Variants in NUCKS1 observed in about 807,000 individuals in gnomAD.
NUCKS1 encodes the protein nuclear casein kinase and cyclin dependent kinase substrate 1.
A neutral mutation model predicts 33.0 loss-of-function variants in NUCKS1; 2 were observed. The ratio of observed to expected loss-of-function variants is 0.06; its 90% CI spans 0.02 to 0.19. NUCKS1 has a LOEUF of 0.19. NUCKS1 is among the 10% of genes least tolerant of loss of function. The pLI, the probability that NUCKS1 is intolerant of heterozygous loss-of-function variation, is 1.00. For synonymous variants in NUCKS1, 106 were observed against 102.8 expected, an observed-to-expected ratio of 1.03 and a Z score of -0.19; for missense variants, 201 against 293.6, an observed-to-expected ratio of 0.68 and a Z score of 2.31.
At chr1:205,741,478 G>A (rs549711190) in intron 1 of NUCKS1, among the ~76,000 whole-genome samples, 1 of 152,156 alleles carries the variant, frequency 6.6e-6, no homozygotes, top group African/African-American at 2.4e-5. Context: ...GAGACTGAAG[G>A]GGTCTCAGAT....
At position 205,716,405 on chromosome 1, in the gene NUCKS1, G is replaced by C. The variant is rs957051817; in HGVS notation, c.*1875C>G. On this transcript the variant is annotated 3_prime_UTR_variant, in exon 7 of 7. Coordinates refer to ENST00000367142, the MANE Select transcript of NUCKS1 (RefSeq NM_022731.5). ...ACTTCTTTGTTAAAAATGGATACCT[G>C]AACAAACCCATTTAGGCAAATAGAT... 6.6e-6 allele frequency: 1 copy of C among 152,118 alleles called. No individual in the cohort carries two copies. Among genetic ancestry groups the C allele is most frequent in the African/African-American group, 2.4e-5 (1 of 41,420 alleles). The allele number at this position is 152,118 out of a possible 1,614,324, so 9.4% of individuals were successfully genotyped here. A position where few individuals can be genotyped will look rare whatever the true frequency, so the allele number is the denominator to read the frequency against.
intron 3 of NUCKS1, among the ~76,000 whole-genome samples, chr1:205,724,449 T>G (rs1381790956): frequency 6.6e-6 from 1 of 152,004 alleles, no homozygotes; most frequent in Non-Finnish European, 1.5e-5. Context: ...ATCTCAGCAG[T>G]TTGGGTGGCT....
Position 205,718,239 on chromosome 1 carries a change from T to C in NUCKS1, c.*41A>G. 2 of 1,161,486 alleles carry C rather than the reference T, an allele frequency of 1.7e-6. No homozygotes were observed. Among genetic ancestry groups the C allele is most frequent in the Non-Finnish European group, 2.4e-6 (2 of 820,784 alleles). 71.9% of individuals were successfully genotyped at this position (1,161,486 alleles called of 1,614,324 possible). A position where few individuals can be genotyped will look rare whatever the true frequency, so the allele number is the denominator to read the frequency against. On this transcript the variant is annotated 3_prime_UTR_variant, in exon 7 of 7. Transcript: ENST00000367142. ...CTCCCTCTTTTTTCTTTTTTTTTCT[T>C]TTTTTTTTTAATAAAATCTCTCCCC... is the stretch of plus-strand genomic sequence containing the variant.
At chr1:205,724,433 C>T (rs573153160) in intron 3 of NUCKS1, among the ~76,000 whole-genome samples, 1 of 152,240 alleles carries the variant, frequency 6.6e-6, no homozygotes, top group African/African-American at 2.4e-5. Context: ...GTGGCTCACG[C>T]CTGTAATCTC....
At chr1:205,742,639 A>G (rs984422078) in intron 1 of NUCKS1, among the ~76,000 whole-genome samples, 7 of 152,172 alleles carry the variant, frequency 4.6e-5, no homozygotes, top group Admixed American at 3.9e-4. Context: ...CCTGGCCAAC[A>G]CGGTGAAACC....
chr1:205,750,002 G>A lies in NUCKS1; in HGVS notation c.-29C>T. On this transcript the variant is annotated 5_prime_UTR_variant, in exon 1 of 7. Coordinates refer to ENST00000367142, the MANE Select transcript of NUCKS1 (RefSeq NM_022731.5). The stretch of plus-strand genomic sequence containing the variant: ...CGCTGTCGAAACAGGACCGAGTCGA[G>A]AAGCCAAAGACCAGGACCCCCCCCA... 1 of 1,595,850 alleles carries A rather than the reference G, an allele frequency of 6.3e-7. No homozygotes were observed. Among genetic ancestry groups the A allele is most frequent in the Non-Finnish European group, 8.5e-7 (1 of 1,169,742 alleles).
At position 205,718,232 on chromosome 1, in the gene NUCKS1, T is replaced by C. The variant is rs1671861619; in HGVS notation, c.*48A>G. The stretch of plus-strand genomic sequence containing the variant: ...TTTTTTCCTCCCTCTTTTTTCTTTT[T>C]TTTTCTTTTTTTTTTTAATAAAATC... On this transcript the variant is annotated 3_prime_UTR_variant, in exon 7 of 7. Transcript: ENST00000367142. The C allele has an allele frequency of 6.5e-6, 6 of 929,976 alleles. No individual in the cohort carries two copies. The highest frequency in any genetic ancestry group is 9.5e-6 in the Non-Finnish European group (6 of 629,144). 57.6% of individuals were successfully genotyped at this position (929,976 alleles called of 1,614,324 possible).
At chr1:205,735,263 C>T (rs1285588422) in intron 1 of NUCKS1, among the ~76,000 whole-genome samples, 1 of 152,094 alleles carries the variant, frequency 6.6e-6, no homozygotes, top group Non-Finnish European at 1.5e-5. Context: ...TATATAAATA[C>T]CTACCATTGT....
intron 5 of NUCKS1, 124 bp from the exon 6 acceptor site, chr1:205,719,800 T>G: frequency 6.7e-6 from 7 of 1,041,950 alleles, no homozygotes; most frequent in Non-Finnish European, 9.5e-6. Flanking sequence ...TGGATTCTAT[T>G]TGGAGCTGTA....
intron 1 of NUCKS1, among the ~76,000 whole-genome samples, chr1:205,742,543 G>T (rs1654204196): frequency 6.6e-6 from 1 of 152,182 alleles, no homozygotes; most frequent in South Asian, 2.1e-4. Context: ...TTCCTCCTGG[G>T]GCCGGACGCT....
At chr1:205,722,004 A>G (rs2102431571) in intron 4 of NUCKS1, among the ~76,000 whole-genome samples, 1 of 152,184 alleles carries the variant, frequency 6.6e-6, no homozygotes, top group African/African-American at 2.4e-5. Context: ...ATTTAGATTA[A>G]TTAGTGAAAG....
At chr1:205,719,001 A>T (rs1671875738) in intron 6 of NUCKS1, among the ~76,000 whole-genome samples, 1 of 152,202 alleles carries the variant, frequency 6.6e-6, no homozygotes, top group South Asian at 2.1e-4. Flanking sequence ...AAGCAAATTG[A>T]TTTCTGATTT....
rs1425021238 is a variant in NUCKS1, at chr1:205,716,118, GCA to G, written c.*2160_*2161del. ...CCCTAAACAAGAAGCCCAATCAAAT[GCA>G]CACAAGTAATCTAGAAGACATGATT... is the stretch of plus-strand genomic sequence containing the variant. On this transcript the variant is annotated 3_prime_UTR_variant, in exon 7 of 7. Coordinates refer to ENST00000367142, the MANE Select transcript of NUCKS1 (RefSeq NM_022731.5). 6.6e-6 allele frequency: 1 copy of G among 152,124 alleles called. No individual in the cohort carries two copies. The highest frequency in any genetic ancestry group is 1.5e-5 in the Non-Finnish European group (1 of 68,028). 9.4% of individuals were successfully genotyped at this position (152,124 alleles called of 1,614,324 possible).
chr1:205,733,495 T>C (rs753652828), intron 1 of NUCKS1, among the ~76,000 whole-genome samples: 5 of 152,218 alleles, frequency 3.3e-5, no homozygotes, highest in Non-Finnish European at 7.3e-5. Flanking sequence ...TCCTGGGTTC[T>C]GGTTCTAGAA....
intron 1 of NUCKS1, among the ~76,000 whole-genome samples, chr1:205,736,496 C>T (rs1374292554): frequency 6.6e-6 from 1 of 151,884 alleles, no homozygotes; most frequent in South Asian, 2.1e-4. Flanking sequence ...TGACTGAGAA[C>T]TTCTCATGAT....
rs1042427381 is a variant in NUCKS1, at chr1:205,729,062, G to T, written c.67+510C>A. ...CGGCTCACTGCAACCTCCGCCTCCCGAGTTCAAGCGATTCTCTTGCCTCAG... is the reference window on the plus strand; with the variant it reads ...CGGCTCACTGCAACCTCCGCCTCCCTAGTTCAAGCGATTCTCTTGCCTCAG... On this transcript the variant is annotated intron_variant, in intron 2 of 6. Coordinates refer to ENST00000367142, the MANE Select transcript of NUCKS1 (RefSeq NM_022731.5). Among the ~76,000 whole-genome samples the T allele has an allele frequency of 3.9e-5, 6 of 152,044 alleles. No homozygotes were observed. The South Asian group carries it at 1.0e-3, about 26-fold the overall frequency.
In NUCKS1 at chr1:205,717,971, G is replaced by A. The variant is rs146090781; in HGVS notation, c.*309C>T. ...CTTTCATTAAAAATAAAAAGATGAAGCAGTCAATCCAGTGATTAATTTGAC... is the reference window on the plus strand; with the variant it reads ...CTTTCATTAAAAATAAAAAGATGAAACAGTCAATCCAGTGATTAATTTGAC... On this transcript the variant is annotated 3_prime_UTR_variant, in exon 7 of 7. Coordinates refer to ENST00000367142, the MANE Select transcript of NUCKS1 (RefSeq NM_022731.5). The A allele has an allele frequency of 2.1e-5, 22 of 1,031,842 alleles. No individual in the cohort carries two copies. The African/African-American group carries it at 3.4e-4, about 16-fold the overall frequency. 63.9% of individuals were successfully genotyped at this position (1,031,842 alleles called of 1,614,324 possible). A position where few individuals can be genotyped will look rare whatever the true frequency, so the allele number is the denominator to read the frequency against.
intron 1 of NUCKS1, among the ~76,000 whole-genome samples, chr1:205,730,202 T>C (rs1653874928): frequency 6.6e-6 from 1 of 151,724 alleles, no homozygotes; most frequent in Admixed American, 6.6e-5. Flanking sequence ...TACAGACGCA[T>C]GCTGGCTAAT....
chr1:205,743,184 C>CA lies in NUCKS1; in HGVS notation c.17+6772dup, dbSNP rs540564286. ...GTTACATTTTTGGGAAAAAACAGGCCAAAAAAACCCCAAAAACCAAAAACT... is the reference window on the plus strand; with the variant it reads ...GTTACATTTTTGGGAAAAAACAGGCCAAAAAAAACCCCAAAAACCAAAAACT... On this transcript the variant is annotated intron_variant, in intron 1 of 6. Transcript: ENST00000367142. Among the ~76,000 whole-genome samples the CA allele has an allele frequency of 1.3e-3, 190 of 151,980 alleles. 1 individual carries two copies. Among genetic ancestry groups the CA allele is most frequent in the African/African-American group, 4.4e-3 (184 of 41,426 alleles).
Sources: gnomAD v4.1 joint callset for allele counts (sites outside exome capture counted in the v4.1 genomes callset) on GRCh38, gnomAD v4.1.1 for gene constraint, MANE v1.5 for transcripts, NCBI Gene and HGNC (gene_info 2026-07-23, HGNC 2026-07-21) for gene names.